Variants in MDGA2 observed in about 807,000 individuals in gnomAD.
MDGA2 encodes the protein MAM domain containing glycosylphosphatidylinositol anchor 2.
In MDGA2, 40 loss-of-function variants were observed where a neutral mutation model predicts 117.8. That is an observed-to-expected ratio of 0.34 (90% CI 0.26 to 0.44). MDGA2 has a LOEUF of 0.44. Among genes scored for constraint, MDGA2 ranks in the 20% least tolerant of loss-of-function variants. The pLI, the probability that MDGA2 is intolerant of heterozygous loss-of-function variation, is 1.00. For missense variants in MDGA2, 1,123 were observed against 1,250.6 expected (o/e 0.90, Z 1.54); for synonymous variants, 452 against 439.0 (o/e 1.03, Z -0.37).
At chr14:47,081,371 A>C (rs866254275) in intron 6 of MDGA2, among the ~76,000 whole-genome samples, 54 of 152,264 alleles carry the variant, frequency 3.5e-4, no homozygotes, top group African/African-American at 1.1e-3. Context: ...TATAAAAATC[A>C]AATATTTTCC....
intron 15 of MDGA2, among the ~76,000 whole-genome samples, chr14:46,853,964 T>A (rs1881163472): frequency 6.6e-6 from 1 of 151,802 alleles, no homozygotes; most frequent in African/African-American, 2.4e-5. Flanking sequence ...TTTTTCAGAA[T>A]CATATGGGAA....
chr14:47,140,822 A>C (rs1025844298), intron 4 of MDGA2, among the ~76,000 whole-genome samples: 1 of 152,148 alleles, frequency 6.6e-6, no homozygotes, highest in African/African-American at 2.4e-5. Flanking sequence ...TTGAACTAAA[A>C]AGCTTGGGCA....
intron 8 of MDGA2, among the ~76,000 whole-genome samples, chr14:46,975,675 G>A (rs889138352): frequency 6.6e-6 from 1 of 152,088 alleles, no homozygotes; most frequent in Non-Finnish European, 1.5e-5. Context: ...AATAGTGGTT[G>A]CCAGAGGCTG....
At chr14:47,001,510 T>G (rs1444794821) in intron 8 of MDGA2, among the ~76,000 whole-genome samples, 2 of 152,004 alleles carry the variant, frequency 1.3e-5, no homozygotes, top group African/African-American at 4.8e-5. Context: ...TAGAAAGATT[T>G]GATGTAACCA....
At chr14:47,642,772 T>G (rs1225057780) in intron 1 of MDGA2, among the ~76,000 whole-genome samples, 1 of 152,064 alleles carries the variant, frequency 6.6e-6, no homozygotes, top group Non-Finnish European at 1.5e-5. Context: ...ACTTTGTAAA[T>G]TTAGCCTCTA....
chr14:46,961,427 T>G (rs76544372), intron 8 of MDGA2, among the ~76,000 whole-genome samples: 17,899 of 152,110 alleles, frequency 0.12, 2,000 homozygotes, highest in African/African-American at 0.27. Flanking sequence ...TAAATTCGTC[T>G]GAGCTAATTC....
chr14:46,845,302 C>T (rs1388540674), intron 16 of MDGA2, among the ~76,000 whole-genome samples: 1 of 152,174 alleles, frequency 6.6e-6, no homozygotes, highest in Non-Finnish European at 1.5e-5. Flanking sequence ...TTCCTTAGGC[C>T]TCCCAGCCTT....
intron 2 of MDGA2, among the ~76,000 whole-genome samples, chr14:47,234,712 T>A (rs1247274284): frequency 6.6e-6 from 1 of 152,138 alleles, no homozygotes; most frequent in East Asian, 1.9e-4. Flanking sequence ...TATACATTCA[T>A]TATTTTAGGT....
In MDGA2 at chr14:47,396,672, A is replaced by G. The variant is rs182183014; in HGVS notation, c.281-95122T>C. On this transcript the variant is annotated intron_variant, in intron 1 of 16. Coordinates refer to ENST00000399232, the MANE Select transcript of MDGA2 (RefSeq NM_001113498.3). ...AAACAACCCCATCCAAATGTGGGTG[A>G]AGGATATGAACAGACACTTCTCAAA... Among the ~76,000 whole-genome samples, 687 of 152,340 alleles carry G rather than the reference A, an allele frequency of 4.5e-3. 7 individuals carry two copies. Among genetic ancestry groups the G allele is most frequent in the African/African-American group, 0.015 (637 of 41,574 alleles).
In MDGA2 at chr14:46,882,494, G is replaced by A. The variant is rs1395648942; in HGVS notation, c.2239-273C>T. On this transcript the variant is annotated intron_variant, in intron 10 of 16. Coordinates refer to ENST00000399232, the MANE Select transcript of MDGA2 (RefSeq NM_001113498.3). ...AGTCAGAAAATTCCAAAGTGTCTCTGATCTTGAAGTCGGGAGAGATCAAAG... is the reference window on the plus strand; with the variant it reads ...AGTCAGAAAATTCCAAAGTGTCTCTAATCTTGAAGTCGGGAGAGATCAAAG... Among the ~76,000 whole-genome samples the A allele has an allele frequency of 2.7e-5, 4 of 150,772 alleles. No homozygotes were observed. In the East Asian group the frequency reaches 7.8e-4, roughly 29 times the overall value.
intron 8 of MDGA2, among the ~76,000 whole-genome samples, chr14:46,965,954 C>T (rs1185719867): frequency 3.3e-5 from 5 of 151,588 alleles, no homozygotes; most frequent in African/African-American, 1.2e-4. Context: ...AAAGTAGGTG[C>T]CTGTGTTTTG....
At chr14:47,368,041 A>G (rs2138384643) in intron 1 of MDGA2, among the ~76,000 whole-genome samples, 1 of 152,232 alleles carries the variant, frequency 6.6e-6, no homozygotes, top group African/African-American at 2.4e-5. Context: ...GCACTTTGGG[A>G]GGCTGAGGAG....
intron 7 of MDGA2, chr14:47,059,346 A>C: frequency 2.4e-6 from 3 of 1,271,540 alleles, no homozygotes; most frequent in Non-Finnish European, 3.1e-6. Context: ...TTTTGGAAGA[A>C]GTCAATATAT....
chr14:47,419,212 T>C (rs1279628441), intron 1 of MDGA2, among the ~76,000 whole-genome samples: 1 of 152,102 alleles, frequency 6.6e-6, no homozygotes, highest in Non-Finnish European at 1.5e-5. Context: ...AGGAGGATTA[T>C]AGACTGAAGT....
chr14:47,540,540 G>GTGTGTGTGTGTGTGTGTGTATATATA, intron 1 of MDGA2, among the ~76,000 whole-genome samples: 15 of 79,184 alleles, frequency 1.9e-4, no homozygotes, highest in Non-Finnish European at 4.2e-4. Flanking sequence ...GTGTGTGTGT[G>GTGTGTGTGTGTGTGTGTGTATATATA]TATATATATA....
chr14:47,260,719 T>C (rs1163504418), intron 2 of MDGA2, among the ~76,000 whole-genome samples: 2 of 152,180 alleles, frequency 1.3e-5, no homozygotes, highest in East Asian at 3.9e-4. Context: ...TTGACAGGAC[T>C]GGACTGGGTC....
At chr14:47,139,890 A>G (rs1365834193) in intron 4 of MDGA2, among the ~76,000 whole-genome samples, 1 of 148,758 alleles carries the variant, frequency 6.7e-6, no homozygotes, top group African/African-American at 2.5e-5. Context: ...ACACATATAT[A>G]TATATATATA....
At chr14:47,383,644 TTCTCCTGCCTTAG>T (rs1405357880) in intron 1 of MDGA2, among the ~76,000 whole-genome samples, 2 of 152,068 alleles carry the variant, frequency 1.3e-5, no homozygotes, top group Non-Finnish European at 1.5e-5. Flanking sequence ...GTTCAAGCGA[TTCTCCTGCCTTAG>T]TCTCCTGAGT....
chr14:47,235,288 T>C (rs1386058890), intron 2 of MDGA2, among the ~76,000 whole-genome samples: 1 of 152,232 alleles, frequency 6.6e-6, no homozygotes, highest in Non-Finnish European at 1.5e-5. Flanking sequence ...CATTTATTAC[T>C]TAAAAGTTTT....
Sources: gnomAD v4.1 joint callset for allele counts (sites outside exome capture counted in the v4.1 genomes callset) on GRCh38, gnomAD v4.1.1 for gene constraint, MANE v1.5 for transcripts, NCBI Gene and HGNC (gene_info 2026-07-23, HGNC 2026-07-21) for gene names.